The following ERBB4 variants were observed in gnomAD, a reference collection of about 807,000 sequenced individuals.
ERBB4 encodes the protein receptor tyrosine-protein kinase erbB-4.
A neutral mutation model predicts 158.0 loss-of-function variants in ERBB4; 42 were observed. The observed-to-expected ratio is 0.27, with a 90% CI of 0.21 to 0.34. The LOEUF (loss-of-function observed/expected upper bound fraction) is 0.34, where lower values mean the gene tolerates loss of function less well. ERBB4 is among the 10% of genes least tolerant of loss of function. ERBB4 has a pLI of 1.00. For synonymous variants in ERBB4, 583 were observed against 558.7 expected, an observed-to-expected ratio of 1.04 and a Z score of -0.61; for missense variants, 1,333 against 1,624.1, an observed-to-expected ratio of 0.82 and a Z score of 3.08.
intron 3 of ERBB4, among the ~76,000 whole-genome samples, chr2:211,932,704 A>G (rs2080210816): frequency 6.6e-6 from 1 of 151,926 alleles, no homozygotes; most frequent in African/African-American, 2.4e-5. Flanking sequence ...AAAATACAAA[A>G]TTTTGTAATT....
In ERBB4 at chr2:211,517,119, T is replaced by C. The variant is rs114990710; in HGVS notation, c.2487+44784A>G. On this transcript the variant is annotated intron_variant, in intron 20 of 27. Transcript: ENST00000342788. ...TTTTGTTGATATTTTCCAAAACTTATTGCAGGGATAGCACATTAGAATAAA... is the reference window on the plus strand; with the variant it reads ...TTTTGTTGATATTTTCCAAAACTTACTGCAGGGATAGCACATTAGAATAAA... Among the ~76,000 whole-genome samples the C allele has an allele frequency of 8.9e-3, 1,349 of 152,250 alleles. 17 individuals are homozygous for C. The highest frequency in any genetic ancestry group is 0.022 in the South Asian group (108 of 4,828).
At chr2:211,821,573 A>C (rs1242829216) in intron 3 of ERBB4, among the ~76,000 whole-genome samples, 2 of 151,934 alleles carry the variant, frequency 1.3e-5, no homozygotes, top group Non-Finnish European at 2.9e-5. Flanking sequence ...AATCCTGATC[A>C]AAAGGAAGCA....
At chr2:212,029,550 G>T (rs2076853340) in intron 2 of ERBB4, among the ~76,000 whole-genome samples, 1 of 151,982 alleles carries the variant, frequency 6.6e-6, no homozygotes, top group Non-Finnish European at 1.5e-5. Flanking sequence ...TTGTATTTAG[G>T]GTTTAACTTC....
chr2:212,151,016 A>G (rs911631126), intron 1 of ERBB4, among the ~76,000 whole-genome samples: 6 of 152,208 alleles, frequency 3.9e-5, no homozygotes, highest in African/African-American at 1.4e-4. Flanking sequence ...ACCTTGCAAA[A>G]GGTTACTGCA....
At chr2:212,510,205 G>GTATATATATATATATATATATATATATA (rs10556403) in intron 1 of ERBB4, among the ~76,000 whole-genome samples, 22 of 130,448 alleles carry the variant, frequency 1.7e-4, no homozygotes, top group Middle Eastern at 4.1e-3. Context: ...TAACCACACA[G>GTATATATATATATATATATATATATATA]TATATATATA....
chr2:212,420,265 G>A (rs193034942), intron 1 of ERBB4, among the ~76,000 whole-genome samples: 14 of 151,978 alleles, frequency 9.2e-5, no homozygotes, highest in East Asian at 1.9e-4. Context: ...AAGACTGCAC[G>A]ATTTATTTTC....
chr2:212,340,049 T>TC (rs2088630174), intron 1 of ERBB4, among the ~76,000 whole-genome samples: 1 of 146,768 alleles, frequency 6.8e-6, no homozygotes. Flanking sequence ...TTAATATTCT[T>TC]TTTTTTTTTT....
Position 212,044,215 on chromosome 2 carries a change from G to A in ERBB4, c.234+80537C>T, listed in dbSNP as rs115337080. ...GAGATCTGTGAAATTTGCTCAATTG[G>A]ATTATAGTCGTTTAAAATATAGACA... On this transcript the variant is annotated intron_variant, in intron 2 of 27. Coordinates refer to ENST00000342788, the MANE Select transcript of ERBB4 (RefSeq NM_005235.3). Among the ~76,000 whole-genome samples the A allele has an allele frequency of 3.0e-3, 449 of 152,092 alleles. 1 individual carries two copies. Among genetic ancestry groups the A allele is most frequent in the Middle Eastern group, 6.8e-3 (2 of 294 alleles).
chr2:212,284,484 T>A (rs569157091), intron 1 of ERBB4, among the ~76,000 whole-genome samples: 1 of 152,126 alleles, frequency 6.6e-6, no homozygotes, highest in African/African-American at 2.4e-5. Flanking sequence ...TATTAGACTA[T>A]GGCATATAAA....
At chr2:211,613,984 C>T (rs1269314236) in intron 19 of ERBB4, among the ~76,000 whole-genome samples, 1 of 152,028 alleles carries the variant, frequency 6.6e-6, no homozygotes, top group African/African-American at 2.4e-5. Context: ...ATTGTTGCAG[C>T]ACTACTTACA....
At chr2:212,217,768 T>C (rs2083148684) in intron 1 of ERBB4, among the ~76,000 whole-genome samples, 1 of 151,462 alleles carries the variant, frequency 6.6e-6, no homozygotes, top group African/African-American at 2.4e-5. Context: ...TGAGTCTTGA[T>C]AGTTTTTATA....
In ERBB4 at chr2:212,480,427, T is replaced by C. The variant is rs1045552775; in HGVS notation, c.82+58022A>G. Among the ~76,000 whole-genome samples the C allele has an allele frequency of 2.0e-5, 3 of 152,188 alleles. No homozygotes were observed. The East Asian group carries it at 5.8e-4, about 29-fold the overall frequency. ...GGATGCAAGGCTTTCTCGGCCACGA[T>C]GGAGATTTTGGATACTGTTTAAAGA... is the stretch of plus-strand genomic sequence containing the variant. On this transcript the variant is annotated intron_variant, in intron 1 of 27. Coordinates refer to ENST00000342788, the MANE Select transcript of ERBB4 (RefSeq NM_005235.3).
intron 1 of ERBB4, among the ~76,000 whole-genome samples, chr2:212,456,016 T>G (rs1258416456): frequency 6.6e-6 from 1 of 152,016 alleles, no homozygotes; most frequent in Non-Finnish European, 1.5e-5. Flanking sequence ...TTCAGGTTTA[T>G]TTCACCCTTG....
intron 3 of ERBB4, among the ~76,000 whole-genome samples, chr2:211,850,070 T>C (rs897623242): frequency 1.3e-5 from 2 of 152,032 alleles, no homozygotes; most frequent in Non-Finnish European, 2.9e-5. Flanking sequence ...CAACCTTCTA[T>C]GCTTCCATCG....
chr2:211,485,451 G>T lies in ERBB4; in HGVS notation c.2488-54351C>A, dbSNP rs149726395. ...CACCCTATCTGGAATCCATTTCTCA[G>T]TTTTTTTCACTTCCTCCTTCTGGCC... On this transcript the variant is annotated intron_variant, in intron 20 of 27. Transcript: ENST00000342788. Among the ~76,000 whole-genome samples the T allele has an allele frequency of 4.5e-3, 679 of 152,144 alleles. 9 individuals are homozygous for T. The highest frequency in any genetic ancestry group is 0.015 in the African/African-American group (635 of 41,512).
intron 12 of ERBB4, among the ~76,000 whole-genome samples, chr2:211,679,447 G>C (rs1337569538): frequency 1.3e-5 from 2 of 152,092 alleles, no homozygotes; most frequent in Non-Finnish European, 2.9e-5. Context: ...ACTATTGGGA[G>C]GACAGGTGAT....
intron 25 of ERBB4, among the ~76,000 whole-genome samples, chr2:211,393,761 GTGTGTGTGTGT>G (rs1210227404): frequency 1.3e-5 from 2 of 148,156 alleles, no homozygotes; most frequent in African/African-American, 5.2e-5. Flanking sequence ...GTGTGTGTGT[GTGTGTGTGTGT>G]GTGTGTGTGT....
At chr2:212,004,556 A>G (rs992199715) in intron 2 of ERBB4, among the ~76,000 whole-genome samples, 11 of 152,184 alleles carry the variant, frequency 7.2e-5, no homozygotes, top group Admixed American at 5.9e-4. Flanking sequence ...TTTCTAAGCC[A>G]GTCTTCCAAC....
intron 1 of ERBB4, among the ~76,000 whole-genome samples, chr2:212,420,426 T>C (rs1224469582): frequency 3.9e-5 from 6 of 152,118 alleles, no homozygotes; most frequent in Admixed American, 2.6e-4. Context: ...ATTCATTTAT[T>C]TGAATTATTT....
Sources: gnomAD v4.1 joint callset for allele counts (sites outside exome capture counted in the v4.1 genomes callset) on GRCh38, gnomAD v4.1.1 for gene constraint, MANE v1.5 for transcripts, NCBI Gene and HGNC (gene_info 2026-07-23, HGNC 2026-07-21) for gene names.